EHMT1: variants seen among roughly 807,000 people sequenced by gnomAD.
The protein encoded by EHMT1 is histone-lysine N-methyltransferase EHMT1.
EHMT1 carries 15 observed loss-of-function variants against 147.2 expected under a neutral mutation model. That is an observed-to-expected ratio of 0.10 (90% CI 0.07 to 0.16). The LOEUF (loss-of-function observed/expected upper bound fraction) is 0.16, where lower values mean the gene tolerates loss of function less well. Among genes scored for constraint, EHMT1 ranks in the 10% least tolerant of loss-of-function variants. EHMT1 has a pLI of 1.00. For synonymous variants in EHMT1, 795 were observed against 709.6 expected, an observed-to-expected ratio of 1.12 and a Z score of -1.91; for missense variants, 1,587 against 1,772.4, an observed-to-expected ratio of 0.90 and a Z score of 1.88.
chr9:137,773,060 A>G (rs1950695594), intron 10 of EHMT1, among the ~76,000 whole-genome samples: 1 of 152,252 alleles, frequency 6.6e-6, no homozygotes, highest in Non-Finnish European at 1.5e-5. Flanking sequence ...AAAATAATGC[A>G]TGCCGATTGT....
At chr9:137,622,159 C>T (rs1242827297) in intron 1 of EHMT1, among the ~76,000 whole-genome samples, 1 of 131,308 alleles carries the variant, frequency 7.6e-6, no homozygotes, top group Non-Finnish European at 1.6e-5. Flanking sequence ...TGATCTATTG[C>T]CCAGGCTGGA....
At chr9:137,649,436 G>A (rs1317732100) in intron 1 of EHMT1, among the ~76,000 whole-genome samples, 2 of 150,976 alleles carry the variant, frequency 1.3e-5, no homozygotes, top group Non-Finnish European at 2.9e-5. Context: ...CTCCAGCCTG[G>A]GCAACAGAGC....
intron 15 of EHMT1, 139 bp from the exon 16 acceptor site, chr9:137,790,709 G>T (rs1952460187): frequency 9.3e-6 from 11 of 1,182,834 alleles, no homozygotes; most frequent in Admixed American, 5.2e-5. Flanking sequence ...TTGAATACGT[G>T]TTTAGAAAAC....
intron 1 of EHMT1, among the ~76,000 whole-genome samples, chr9:137,649,714 T>C (rs553311437): frequency 1.5e-4 from 23 of 151,442 alleles, no homozygotes; most frequent in Admixed American, 7.2e-4. Flanking sequence ...AACCAGGGAG[T>C]GAGAAGATGG....
intron 1 of EHMT1, among the ~76,000 whole-genome samples, chr9:137,668,412 C>T (rs1219314914): frequency 6.6e-6 from 1 of 152,092 alleles, no homozygotes; most frequent in African/African-American, 2.4e-5. Context: ...CCTCACCACC[C>T]ACCCATCCAT....
At chr9:137,663,187 C>A (rs1939269849) in intron 1 of EHMT1, among the ~76,000 whole-genome samples, 1 of 152,120 alleles carries the variant, frequency 6.6e-6, no homozygotes, top group Non-Finnish European at 1.5e-5. Context: ...TTTTGTTATT[C>A]ATTTGTACCT....
rs541258704 is a variant in EHMT1 at position 137,636,070 on chromosome 9, T to C, written c.21+17021T>C. ...CTGAGTAGTTGGGATTACAGGTGCA[T>C]GCCACCACGCCTTGCTAATTTTTGT... On this transcript the variant is annotated intron_variant, in intron 1 of 26. Transcript: ENST00000460843. Among the ~76,000 whole-genome samples, 80 of 151,598 alleles carry C rather than the reference T, an allele frequency of 5.3e-4. No individual in the cohort carries two copies. The Middle Eastern group carries it at 0.01, about 19-fold the overall frequency.
At chr9:137,653,817 C>T (rs1471004561) in intron 1 of EHMT1, among the ~76,000 whole-genome samples, 1 of 152,190 alleles carries the variant, frequency 6.6e-6, no homozygotes, top group Admixed American at 6.6e-5. Flanking sequence ...AGCCACTGCC[C>T]CTGGCCGATT....
chr9:137,692,755 C>T (rs180772170), intron 1 of EHMT1, among the ~76,000 whole-genome samples: 165 of 152,218 alleles, frequency 1.1e-3, no homozygotes, highest in African/African-American at 3.7e-3. Context: ...AATGCTCAGG[C>T]GCCTGCTCCA....
intron 1 of EHMT1, among the ~76,000 whole-genome samples, chr9:137,673,002 G>A (rs1940856484): frequency 6.6e-6 from 1 of 152,206 alleles, no homozygotes; most frequent in African/African-American, 2.4e-5. Context: ...ACCACAAGGT[G>A]GTGCTTTTGT....
chr9:137,818,060 G>C lies in EHMT1; in HGVS notation c.3462G>C (p.Glu1154Asp). The change falls in exon 25 of 27, where the codon GAG becomes GAC. Residue 1154 changes from glutamate (E) to aspartate (D), a missense_variant and splice_region_variant. Physicochemically the swap from Glu to Asp is conservative, Grantham distance 45 (BLOSUM62 2). Transcript: ENST00000460843. ...QDIPPGTFVCEYVGELISDSE... is the reference protein window; with the variant it reads ...QDIPPGTFVCDYVGELISDSE... ...CTCACCTGCACCGCACCCTCTGCAG[G>C]TATGTTGGGGAGCTGATTTCAGACT... The C allele has an allele frequency of 6.2e-7, 1 of 1,614,148 alleles. No individual in the cohort carries two copies. The highest frequency in any genetic ancestry group is 8.5e-7 in the Non-Finnish European group (1 of 1,180,028).
Position 137,752,370 on chromosome 9 carries a change from A to G in EHMT1, c.1210A>G (p.Thr404Ala), listed in dbSNP as rs2136190497. 6.2e-7 allele frequency: 1 copy of G among 1,614,198 alleles called. No homozygotes were observed. Among genetic ancestry groups the G allele is most frequent in the Non-Finnish European group, 8.5e-7 (1 of 1,180,028 alleles). ...ESEEEQESVD[T>A]GEEEEGGDES... ...CGAGGAGGAGCAGGAGTCCGTGGAC[A>G]CCGGGGAGGAGGAGGAAGGCGGTGA... Residue 404 changes from threonine (T) to alanine (A), a missense_variant, in exon 7 of 27, where the codon ACC (threonine) becomes GCC (alanine). Transcript: ENST00000460843.
intron 10 of EHMT1, among the ~76,000 whole-genome samples, chr9:137,771,448 A>G (rs1355214116): frequency 2.6e-5 from 4 of 151,314 alleles, no homozygotes; most frequent in African/African-American, 9.7e-5. Context: ...TGATCCTCCC[A>G]CCTCGGGTTT....
chr9:137,714,713 C>T (rs917975500), intron 2 of EHMT1, among the ~76,000 whole-genome samples: 48 of 151,760 alleles, frequency 3.2e-4, no homozygotes, highest in African/African-American at 1.0e-3. Context: ...CCTCCATGCC[C>T]GGCTAATTTT....
At chr9:137,829,738 G>GC (rs1956064750) in intron 25 of EHMT1, among the ~76,000 whole-genome samples, 1 of 152,218 alleles carries the variant, frequency 6.6e-6, no homozygotes, top group Non-Finnish European at 1.5e-5. Context: ...ATTTCTGTGT[G>GC]CCCCCCGTGG....
intron 18 of EHMT1, among the ~76,000 whole-genome samples, chr9:137,807,066 T>C (rs1954010743): frequency 6.6e-6 from 1 of 152,240 alleles, no homozygotes; most frequent in Non-Finnish European, 1.5e-5. Flanking sequence ...CACGTAGGGT[T>C]CATTGAGCTT....
At chr9:137,729,701 G>A (rs111261481) in intron 4 of EHMT1, among the ~76,000 whole-genome samples, 3,441 of 151,670 alleles carry the variant, frequency 0.023, 145 homozygotes, top group African/African-American at 0.078. Context: ...GCACAATCTC[G>A]CCCCCGGCCC....
chr9:137,804,122 A>G (rs931718912), intron 18 of EHMT1, among the ~76,000 whole-genome samples: 8 of 152,112 alleles, frequency 5.3e-5, no homozygotes, highest in African/African-American at 1.4e-4. Context: ...TCTTGTGAGA[A>G]CTCACTCACA....
At chr9:137,646,872 G>A (rs1028365455) in intron 1 of EHMT1, among the ~76,000 whole-genome samples, 1 of 152,080 alleles carries the variant, frequency 6.6e-6, no homozygotes, top group African/African-American at 2.4e-5. Context: ...CCTTCTGCCT[G>A]TGCTGTTTCC....
Sources: gnomAD v4.1 joint callset for allele counts (sites outside exome capture counted in the v4.1 genomes callset) on GRCh38, gnomAD v4.1.1 for gene constraint, MANE v1.5 for transcripts, NCBI Gene and HGNC (gene_info 2026-07-23, HGNC 2026-07-21) for gene names.